Variants in TSC22D3 observed in about 807,000 individuals in gnomAD.
TSC22D3 encodes TSC22 domain family member 3, also known as TSC22 domain family protein 3.
A neutral mutation model predicts 11.1 loss-of-function variants in TSC22D3; 4 were observed. The ratio of observed to expected loss-of-function variants is 0.36; its 90% CI spans 0.18 to 0.83. The LOEUF is 0.83. Among genes scored for constraint, TSC22D3 ranks in the 40% least tolerant of loss-of-function variants. The pLI is 0.48. For missense variants in TSC22D3, 118 were observed against 159.4 expected (o/e 0.74, Z 1.40); for synonymous variants, 77 against 70.3 (o/e 1.10, Z -0.48).
chrX:107,716,817 G>C (rs769761897), intron 1 of TSC22D3: 2 of 1,209,363 alleles, frequency 1.7e-6, no homozygotes, highest in African/African-American at 1.7e-5. Context: ...TTCATGGCTC[G>C]GGCTGCTAGG....
In TSC22D3 at chrX:107,738,958, G is replaced by A. The variant is rs1030884544; in HGVS notation, c.321-23008C>T. ...CAGCTGACATTTCAGGGTCCAAAGA[G>A]CTTGTGTGTACCGGACAAGCTGTTT... is the stretch of plus-strand genomic sequence containing the variant. On this transcript the variant is annotated intron_variant, in intron 1 of 2. Coordinates refer to ENST00000372383, the MANE Select transcript of TSC22D3 (RefSeq NM_198057.3). 2.7e-5 allele frequency among the ~76,000 whole-genome samples: 3 copies of A among 112,880 alleles called. No homozygotes were observed. In the Admixed American group the frequency reaches 2.8e-4, roughly 10 times the overall value.
intron 1 of TSC22D3, among the ~76,000 whole-genome samples, chrX:107,761,380 C>A (rs1265774731): frequency 8.9e-6 from 1 of 112,436 alleles, no homozygotes; most frequent in Non-Finnish European, 1.9e-5. Context: ...CAGGACTGGG[C>A]TCCTGCTCAA....
chrX:107,716,860 G>C, intron 1 of TSC22D3: 1 of 1,196,554 alleles, frequency 8.4e-7, no homozygotes, highest in Non-Finnish European at 1.1e-6. Flanking sequence ...GGGGCTGGGC[G>C]GCTGGGCGGC....
intron 1 of TSC22D3, among the ~76,000 whole-genome samples, chrX:107,734,876 C>A (rs965554913): frequency 5.2e-5 from 2 of 38,789 alleles, no homozygotes; most frequent in Non-Finnish European, 6.9e-5. Context: ...CACAACTCTA[C>A]GTAAAAAAAA....
At chrX:107,721,672 C>T (rs949152187) in intron 1 of TSC22D3, among the ~76,000 whole-genome samples, 9 of 111,775 alleles carry the variant, frequency 8.1e-5, no homozygotes, top group African/African-American at 2.9e-4. Flanking sequence ...AGACATGATG[C>T]GAGAGGTGCG....
At chrX:107,727,346 A>G (rs1382391223) in intron 1 of TSC22D3, among the ~76,000 whole-genome samples, 1 of 111,994 alleles carries the variant, frequency 8.9e-6, no homozygotes, top group Non-Finnish European at 1.9e-5. Flanking sequence ...GTTCTTTTCC[A>G]CCTTGGCCAC....
rs1170456785 is a variant in TSC22D3 at position 107,762,846 on chromosome X, CT to C, written c.320+12253del. On this transcript the variant is annotated intron_variant, in intron 1 of 2. Coordinates refer to ENST00000372383, the MANE Select transcript of TSC22D3 (RefSeq NM_198057.3). ...AAAAAAAAAAAAACCTGCACATGTA[CT>C]TTTTTTTTTTTTTTTTTTTTTTTTC... 5.8e-3 allele frequency among the ~76,000 whole-genome samples: 259 copies of C among 44,749 alleles called. 1 individual carries two copies. The highest frequency in any genetic ancestry group is 0.016 in the African/African-American group (199 of 12,260). 38.9% of individuals were successfully genotyped at this position (44,749 alleles called of 115,157 possible). A position where few individuals can be genotyped will look rare whatever the true frequency, so the allele number is the denominator to read the frequency against.
At chrX:107,750,549 C>G (rs1410797777) in intron 1 of TSC22D3, among the ~76,000 whole-genome samples, 1 of 111,238 alleles carries the variant, frequency 9.0e-6, no homozygotes, top group Non-Finnish European at 1.9e-5. Flanking sequence ...TGGGCCTGAC[C>G]AGGATTAGAG....
intron 1 of TSC22D3, among the ~76,000 whole-genome samples, chrX:107,739,362 CCACACGCA>C (rs1439812684): frequency 8.9e-6 from 1 of 112,831 alleles, no homozygotes; most frequent in Non-Finnish European, 1.9e-5. Context: ...GCTGCAGGCT[CCACACGCA>C]CACACGCACA....
intron 1 of TSC22D3, among the ~76,000 whole-genome samples, chrX:107,764,441 T>C (rs190869212): frequency 1.3e-3 from 145 of 112,032 alleles, no homozygotes; most frequent in African/African-American, 4.6e-3. Context: ...GATGGAACGT[T>C]GACCATGAAC....
intron 1 of TSC22D3, among the ~76,000 whole-genome samples, chrX:107,761,631 G>C (rs1929440555): frequency 9.0e-6 from 1 of 111,656 alleles, no homozygotes; most frequent in Non-Finnish European, 1.9e-5. Flanking sequence ...CTATACACCT[G>C]GCAAGTGATG....
rs373982388 is a variant in TSC22D3 at position 107,714,746 on chromosome X, G to A, written c.376C>T (p.Leu126=). Residue 126 remains leucine (L), a synonymous_variant, in exon 3 of 3, where the codon CTG becomes TTG. Transcript: ENST00000372383. ...IDNKIEQAMD[L]VKNHLMYAVR... ...GCATACATCAGATGATTCTTCACCAGATCCTGCCAATGAGGGAATCATAAC... is the reference window on the plus strand; with the variant it reads ...GCATACATCAGATGATTCTTCACCAAATCCTGCCAATGAGGGAATCATAAC... 48 of 1,208,071 alleles carry A rather than the reference G, an allele frequency of 4.0e-5. No homozygotes were observed. Among genetic ancestry groups the A allele is most frequent in the Non-Finnish European group, 5.3e-5 (47 of 893,394 alleles).
intron 1 of TSC22D3, among the ~76,000 whole-genome samples, chrX:107,729,066 T>C (rs1602959575): frequency 8.9e-6 from 1 of 112,142 alleles, no homozygotes; most frequent in South Asian, 3.7e-4. Flanking sequence ...GCAAAGGAGA[T>C]TGTTTTCTCC....
chrX:107,717,838 C>A (rs1275781890), intron 1 of TSC22D3, among the ~76,000 whole-genome samples: 1 of 111,983 alleles, frequency 8.9e-6, no homozygotes, highest in Non-Finnish European at 1.9e-5. Context: ...ACTGGAGTGA[C>A]CACAAGATGC....
chrX:107,716,923 C>A, intron 1 of TSC22D3: 1 of 1,139,810 alleles, frequency 8.8e-7, no homozygotes. Flanking sequence ...GGAGTCCGGC[C>A]CTGAGGCTAG....
intron 1 of TSC22D3, among the ~76,000 whole-genome samples, chrX:107,742,276 AG>A (rs1390919232): frequency 6.1e-5 from 4 of 65,160 alleles, no homozygotes; most frequent in African/African-American, 1.4e-4. Flanking sequence ...AGAGAGAGAG[AG>A]AGAAAGAGAG....
chrX:107,767,596 A>C (rs1002840947), intron 1 of TSC22D3, among the ~76,000 whole-genome samples: 1 of 112,338 alleles, frequency 8.9e-6, no homozygotes, highest in Non-Finnish European at 1.9e-5. Flanking sequence ...GCTCTCACAG[A>C]TCGCATCTTA....
chrX:107,750,123 C>T, intron 1 of TSC22D3, among the ~76,000 whole-genome samples: 1 of 111,953 alleles, frequency 8.9e-6, no homozygotes, highest in Non-Finnish European at 1.9e-5. Context: ...TGAATAGCCA[C>T]TGTACTCCAG....
chrX:107,737,897 G>GA (rs1443884930), intron 1 of TSC22D3, among the ~76,000 whole-genome samples: 26 of 112,263 alleles, frequency 2.3e-4, no homozygotes, highest in African/African-American at 8.1e-4. Flanking sequence ...CTGGGAATAA[G>GA]TGTGTGCCAT....
Sources: gnomAD v4.1 joint callset for allele counts (sites outside exome capture counted in the v4.1 genomes callset) on GRCh38, gnomAD v4.1.1 for gene constraint, MANE v1.5 for transcripts, NCBI Gene and HGNC (gene_info 2026-07-23, HGNC 2026-07-21) for gene names.